Variants in SMAD1 observed in about 807,000 individuals in gnomAD.
SMAD1 encodes the protein SMAD family member 1.
Under a neutral mutation model 41.6 loss-of-function variants are expected in SMAD1, and 6 were observed. That is an observed-to-expected ratio of 0.14 (90% CI 0.08 to 0.28). The LOEUF (loss-of-function observed/expected upper bound fraction) is 0.28. Among genes scored for constraint, SMAD1 ranks in the 10% least tolerant of loss-of-function variants. SMAD1 has a pLI of 1.00. For synonymous variants in SMAD1, 206 were observed against 203.2 expected, an observed-to-expected ratio of 1.01 and a Z score of -0.12; for missense variants, 379 against 582.6, an observed-to-expected ratio of 0.65 and a Z score of 3.60.
At chr4:145,498,734 T>A (rs941160410) in intron 1 of SMAD1, among the ~76,000 whole-genome samples, 1 of 152,256 alleles carries the variant, frequency 6.6e-6, no homozygotes, top group African/African-American at 2.4e-5. Context: ...TACCACTTCT[T>A]ACTGAACAGT....
chr4:145,503,836 A>G (rs1219656928), intron 1 of SMAD1: 2 of 152,132 alleles, frequency 1.3e-5, no homozygotes, highest in Non-Finnish European at 2.9e-5. Flanking sequence ...GTATGTCTAC[A>G]TTGTCCCCAT....
Position 145,558,039 on chromosome 4 carries a change from C to G in SMAD1, c.*105C>G. 1.5e-6 allele frequency: 1 copy of G among 666,724 alleles called. No homozygotes were observed. The highest frequency in any genetic ancestry group is 2.3e-6 in the Non-Finnish European group (1 of 438,014). 41.3% of individuals were successfully genotyped at this position (666,724 alleles called of 1,614,324 possible). ...AACTGACAAAGGAGCCTTGATAATA[C>G]TTGACCTCTGTGACCAACTGTTGGA... On this transcript the variant is annotated 3_prime_UTR_variant, in exon 7 of 7. Transcript: ENST00000302085.
chr4:145,497,120 A>G (rs1729123421), intron 1 of SMAD1: 1 of 152,248 alleles, frequency 6.6e-6, no homozygotes, highest in African/African-American at 2.4e-5. Flanking sequence ...TAGTGTAAGC[A>G]AAATATAAAT....
intron 2 of SMAD1, among the ~76,000 whole-genome samples, chr4:145,530,187 T>G (rs1731247024): frequency 6.6e-6 from 1 of 152,166 alleles, no homozygotes; most frequent in Non-Finnish European, 1.5e-5. Flanking sequence ...TTGCAGATGC[T>G]ACAATGAAAG....
chr4:145,546,908 G>A lies in SMAD1; in HGVS notation c.981G>A (p.Arg327=), dbSNP rs1246590881. ...VNRNSTIENT[R]RHIGKGVHLY... is the part of the protein sequence containing the mutation. ...GGAATTCCACTATTGAAAACACCAG[G>A]CGGCATATTGGAAAAGGTGAGTTTT... Residue 327 remains arginine (R), a synonymous_variant, in exon 5 of 7, where the codon AGG becomes AGA. Transcript: ENST00000302085. 6.2e-7 allele frequency: 1 copy of A among 1,613,954 alleles called. No homozygotes were observed. The highest frequency in any genetic ancestry group is 1.1e-5 in the South Asian group (1 of 91,084).
At chr4:145,484,757 T>C (rs193265995) in intron 1 of SMAD1, 8 of 152,352 alleles carry the variant, frequency 5.3e-5, no homozygotes, top group African/African-American at 1.7e-4. Flanking sequence ...GTGTACTGAA[T>C]GCTTCATGTG....
chr4:145,533,268 G>GA (rs1169180447), intron 2 of SMAD1, among the ~76,000 whole-genome samples: 5 of 152,184 alleles, frequency 3.3e-5, no homozygotes, highest in African/African-American at 1.2e-4. Flanking sequence ...TAGTTAGTGT[G>GA]AACATTTATT....
At chr4:145,553,574 A>G (rs915721394) in intron 5 of SMAD1, among the ~76,000 whole-genome samples, 2 of 152,140 alleles carry the variant, frequency 1.3e-5, no homozygotes, top group African/African-American at 2.4e-5. Context: ...ACCTCCTGCT[A>G]TGTGGCCTGG....
intron 5 of SMAD1, among the ~76,000 whole-genome samples, chr4:145,550,035 A>G (rs1397719076): frequency 6.6e-6 from 1 of 152,172 alleles, no homozygotes; most frequent in African/African-American, 2.4e-5. Context: ...CTAAAACATT[A>G]TTAAGAAAAT....
chr4:145,531,335 C>T (rs144681309), intron 2 of SMAD1, among the ~76,000 whole-genome samples: 8 of 152,354 alleles, frequency 5.3e-5, no homozygotes, highest in African/African-American at 1.9e-4. Flanking sequence ...ACTGAACACA[C>T]TCTACTGGGG....
intron 2 of SMAD1, chr4:145,516,951 A>G (rs1003009078): frequency 1.1e-4 from 17 of 152,162 alleles, no homozygotes; most frequent in Non-Finnish European, 1.5e-4. Flanking sequence ...GGCAAAATTC[A>G]CTATTTAAAA....
intron 2 of SMAD1, among the ~76,000 whole-genome samples, chr4:145,528,428 C>CA (rs1553947794): frequency 2.6e-5 from 4 of 151,640 alleles, no homozygotes; most frequent in African/African-American, 9.7e-5. Flanking sequence ...TTAGTAGAGA[C>CA]GGGGGGTTTC....
rs559299036 is a variant in SMAD1 at position 145,537,578 on chromosome 4, T to C, written c.401-2226T>C. ...ACCCAAGCATTGAGTTGGTTTTTTT[T>C]CCCCCAACCCAAGTATTTAGCAGCA... On this transcript the variant is annotated intron_variant, in intron 2 of 6. Transcript: ENST00000302085. 2.4e-4 allele frequency among the ~76,000 whole-genome samples: 37 copies of C among 152,232 alleles called. 1 individual carries two copies. The highest frequency in any genetic ancestry group is 7.5e-4 in the African/African-American group (31 of 41,524).
At chr4:145,483,388 A>C (rs1728303564) in intron 1 of SMAD1, among the ~76,000 whole-genome samples, 1 of 152,210 alleles carries the variant, frequency 6.6e-6, no homozygotes, top group Non-Finnish European at 1.5e-5. Flanking sequence ...ACTTGCCCAC[A>C]CCTCAGTAAC....
At chr4:145,485,001 A>G (rs1728408412) in intron 1 of SMAD1, among the ~76,000 whole-genome samples, 1 of 152,214 alleles carries the variant, frequency 6.6e-6, no homozygotes, top group African/African-American at 2.4e-5. Flanking sequence ...GACAATCCTT[A>G]TTTAGCTTAT....
intron 1 of SMAD1, among the ~76,000 whole-genome samples, chr4:145,499,076 T>G (rs973856866): frequency 6.6e-6 from 1 of 152,198 alleles, no homozygotes; most frequent in African/African-American, 2.4e-5. Context: ...ATTATACCAC[T>G]CATTACTCTT....
intron 1 of SMAD1, among the ~76,000 whole-genome samples, chr4:145,510,759 T>G (rs1730031141): frequency 6.6e-6 from 1 of 152,186 alleles, no homozygotes; most frequent in Non-Finnish European, 1.5e-5. Flanking sequence ...TTTTTCTGTA[T>G]CTATTGATTT....
At chr4:145,486,919 A>G (rs938699747) in intron 1 of SMAD1, among the ~76,000 whole-genome samples, 2 of 152,098 alleles carry the variant, frequency 1.3e-5, no homozygotes, top group African/African-American at 4.8e-5. Flanking sequence ...CACGCTCACG[A>G]TATTTCTGAG....
At chr4:145,481,533 C>T (rs993035112), upstream of SMAD1, 4 of 152,222 alleles carry the variant, frequency 2.6e-5, no homozygotes, top group Admixed American at 2.0e-4. Flanking sequence ...GTCCGCTCCA[C>T]CGGGACTAAA....
Sources: gnomAD v4.1 joint callset for allele counts (sites outside exome capture counted in the v4.1 genomes callset) on GRCh38, gnomAD v4.1.1 for gene constraint, MANE v1.5 for transcripts, NCBI Gene and HGNC (gene_info 2026-07-23, HGNC 2026-07-21) for gene names.